The following KIDINS220 variants were observed in gnomAD, a reference collection of about 807,000 sequenced individuals.
KIDINS220 encodes the protein kinase D interacting substrate 220, also known as kinase D-interacting substrate of 220 kDa.
A neutral mutation model predicts 157.6 loss-of-function variants in KIDINS220; 63 were observed. The ratio of observed to expected loss-of-function variants is 0.40; its 90% CI spans 0.33 to 0.49. KIDINS220 has a LOEUF of 0.49. Among genes scored for constraint, KIDINS220 ranks in the 20% least tolerant of loss-of-function variants. The pLI is 0.66. For synonymous variants in KIDINS220, 732 were observed against 783.6 expected (o/e 0.93, Z 1.10); for missense variants, 1,772 against 2,171.2 (o/e 0.82, Z 3.65).
intron 15 of KIDINS220, 35 bp from the exon 16 acceptor site, chr2:8,786,392 T>C (rs759281432): frequency 6.6e-7 from 1 of 1,511,500 alleles, no homozygotes; most frequent in Non-Finnish European, 9.2e-7. Flanking sequence ...ATTACTTTAT[T>C]ATCTAAAGTA....
intron 24 of KIDINS220, among the ~76,000 whole-genome samples, chr2:8,749,807 A>G (rs537137349): frequency 1.3e-5 from 2 of 152,328 alleles, no homozygotes; most frequent in African/African-American, 4.8e-5. Context: ...TTTATAAACA[A>G]ACAAAAAACA....
At chr2:8,810,160 T>C (rs929615357) in intron 6 of KIDINS220, among the ~76,000 whole-genome samples, 2 of 152,218 alleles carry the variant, frequency 1.3e-5, no homozygotes, top group African/African-American at 4.8e-5. Flanking sequence ...CGCATTCTTT[T>C]ATGAAATCTT....
chr2:8,740,471 T>C (rs943887939), intron 26 of KIDINS220, among the ~76,000 whole-genome samples: 2 of 152,192 alleles, frequency 1.3e-5, no homozygotes, highest in Non-Finnish European at 2.9e-5. Flanking sequence ...GAGCCATACA[T>C]TTAATAAGAA....
intron 27 of KIDINS220, among the ~76,000 whole-genome samples, chr2:8,735,935 C>T (rs1020219040): frequency 1.3e-5 from 2 of 152,160 alleles, no homozygotes; most frequent in Non-Finnish European, 2.9e-5. Context: ...GTGTGGGAGA[C>T]CCCGCTCTTT....
intron 22 of KIDINS220, among the ~76,000 whole-genome samples, chr2:8,756,071 A>G (rs1667973511): frequency 6.6e-6 from 1 of 152,228 alleles, no homozygotes; most frequent in Non-Finnish European, 1.5e-5. Flanking sequence ...TTCAGGTAGT[A>G]TTGACATCCT....
chr2:8,814,973 G>A (rs1010021188), intron 4 of KIDINS220, among the ~76,000 whole-genome samples: 1 of 152,204 alleles, frequency 6.6e-6, no homozygotes, highest in South Asian at 2.1e-4. Context: ...CCTCTAAAGT[G>A]TCAAGGCCAC....
chr2:8,759,335 GT>G (rs1225122069), intron 22 of KIDINS220, among the ~76,000 whole-genome samples: 2 of 151,876 alleles, frequency 1.3e-5, no homozygotes, highest in Admixed American at 1.3e-4. Context: ...GCTAAACAAA[GT>G]TATTATTTCA....
In KIDINS220 at chr2:8,750,192, C is replaced by T. The variant is rs778339888; in HGVS notation, c.3334G>A (p.Ala1112Thr). Residue 1112 changes from alanine to threonine, a missense_variant, in exon 24 of 30, where the codon GCA becomes ACA. By Grantham distance (58) the Ala-to-Thr change is moderately conservative. Transcript: ENST00000256707. Reference protein sequence around the residue: ...CSSTSFNGPFAGGVVSPQPHS... With the variant: ...CSSTSFNGPFTGGVVSPQPHS... Reference sequence around the variant, plus strand: ...GGCTGTGGTGACACCACTCCACCTGCGAAGGGCCCATTGAAGGACGTGGAA... The same window carrying T: ...GGCTGTGGTGACACCACTCCACCTGTGAAGGGCCCATTGAAGGACGTGGAA... 95 of 1,614,032 alleles carry T rather than the reference C, an allele frequency of 5.9e-5. No homozygotes were observed. In the Middle Eastern group the frequency reaches 6.6e-4, roughly 11 times the overall value.
In KIDINS220 at chr2:8,786,195, G is replaced by A; in HGVS notation, c.1939+11C>T. ...CCCTTACACACAAAGAAGGAAGGAA[G>A]GAAATCCTACCCTGAGTATCTTCAG... On this transcript the variant is annotated intron_variant, in intron 16 of 29. Coordinates refer to ENST00000256707, the MANE Select transcript of KIDINS220 (RefSeq NM_020738.4). The A allele has an allele frequency of 6.2e-7, 1 of 1,613,830 alleles. No homozygotes were observed. Among genetic ancestry groups the A allele is most frequent in the South Asian group, 1.1e-5 (1 of 91,034 alleles).
At chr2:8,829,814 G>T (rs1393439382) in intron 1 of KIDINS220, among the ~76,000 whole-genome samples, 2 of 152,036 alleles carry the variant, frequency 1.3e-5, no homozygotes. Context: ...AGCAGTGAGG[G>T]TTTGTATTAG....
chr2:8,798,303 A>AG lies in KIDINS220; in HGVS notation c.901-4dup. ...CAATACAAAGCAGTTTTATTATCCT[A>AG]GATAATTAAAAAAAACACAATCACT... On this transcript the variant is annotated splice_region_variant and splice_polypyrimidine_tract_variant and intron_variant, in intron 9 of 29. Transcript: ENST00000256707. 1 of 1,523,360 alleles carries AG rather than the reference A, an allele frequency of 6.6e-7. No homozygotes were observed. Among genetic ancestry groups the AG allele is most frequent in the Non-Finnish European group, 9.1e-7 (1 of 1,099,334 alleles). The allele number at this position is 1,523,360 out of a possible 1,614,324, so 94.4% of individuals were successfully genotyped here.
At chr2:8,799,303 C>T (rs1404233097) in intron 9 of KIDINS220, among the ~76,000 whole-genome samples, 4 of 151,482 alleles carry the variant, frequency 2.6e-5, no homozygotes, top group Non-Finnish European at 5.9e-5. Context: ...CAAGGTCTTA[C>T]TCTGTCACCC....
intron 22 of KIDINS220, among the ~76,000 whole-genome samples, chr2:8,756,604 C>T: frequency 6.6e-6 from 1 of 152,092 alleles, no homozygotes; most frequent in East Asian, 1.9e-4. Context: ...GATCAAAGTG[C>T]CAGATGGTCA....
intron 1 of KIDINS220, among the ~76,000 whole-genome samples, chr2:8,829,682 T>C (rs1200872623): frequency 2.0e-5 from 3 of 152,152 alleles, no homozygotes; most frequent in Non-Finnish European, 4.4e-5. Context: ...TTTAAATGTA[T>C]ACATTTTTAA....
rs1318619841 is a variant in KIDINS220, at chr2:8,736,941, A to G, written c.3644T>C (p.Val1215Ala). ...VLLNSLNVDA[V>A]CEKLKQIEGL... ...TTCTATTTGTTTCAGCTTCTCACAT[A>G]CTGCATCCACATTCAGTGAATTCAG... Residue 1215 changes from valine to alanine, a missense_variant, in exon 27 of 30, where the codon GTA (valine) becomes GCA (alanine). Around this residue, in one of 3 missense-constraint regions of KIDINS220, gnomAD observed 793 missense variants for 885.5 expected, o/e 0.90. Coordinates refer to ENST00000256707, the MANE Select transcript of KIDINS220 (RefSeq NM_020738.4). 2 of 1,614,172 alleles carry G rather than the reference A, an allele frequency of 1.2e-6. No homozygotes were observed.
Sources: gnomAD v4.1 joint callset for allele counts (sites outside exome capture counted in the v4.1 genomes callset) on GRCh38, gnomAD v4.1.1 for gene constraint, gnomAD v4.1.1 regional missense constraint, MANE v1.5 for transcripts, NCBI Gene and HGNC (gene_info 2026-07-23, HGNC 2026-07-21) for gene names.